The following TECPR2 variants were observed in gnomAD, a reference collection of about 807,000 sequenced individuals.
The protein encoded by TECPR2 is tectonin beta-propeller repeat-containing protein 2.
In TECPR2, 65 loss-of-function variants were observed where a neutral mutation model predicts 138.1. The observed-to-expected ratio is 0.47, with a 90% confidence interval of 0.39 to 0.58. The LOEUF (loss-of-function observed/expected upper bound fraction) is 0.58. Among genes scored for constraint, TECPR2 ranks in the 20% least tolerant of loss-of-function variants. The pLI is 0.00. For synonymous variants in TECPR2, 746 were observed against 749.8 expected (o/e 0.99, Z 0.08); for missense variants, 1,553 against 1,824.5 (o/e 0.85, Z 2.71).
intron 15 of TECPR2, among the ~76,000 whole-genome samples, chr14:102,450,862 C>T (rs776590989): frequency 1.1e-4 from 17 of 152,146 alleles, no homozygotes; most frequent in African/African-American, 3.6e-4. Flanking sequence ...AGGGACCGAG[C>T]GTGGTGAAGA....
intron 11 of TECPR2, 56 bp downstream of exon 11, chr14:102,440,665 C>A: frequency 6.4e-7 from 1 of 1,570,004 alleles, no homozygotes; most frequent in South Asian, 1.2e-5. Flanking sequence ...GCCTCTGCTG[C>A]ACCCTGCTTT....
At position 102,449,840 on chromosome 14, in the gene TECPR2, A is replaced by C; in HGVS notation, c.3287A>C (p.Glu1096Ala). 6.2e-7 allele frequency: 1 copy of C among 1,613,972 alleles called. No homozygotes were observed. ...GTCTGGATCTCCTCGGGCAAGAATG[A>C]ATTCCACGTCGCTAAGGGAAGTCTC... ...SGVWISSGKN[E>A]FHVAKGSLIG... The change falls in exon 14 of 20, where the codon GAA becomes GCA. Residue 1096 changes from glutamate (E) to alanine (A), a missense_variant. Coordinates refer to ENST00000359520, the MANE Select transcript of TECPR2 (RefSeq NM_014844.5).
At chr14:102,476,281 C>T (rs1405612551) in intron 17 of TECPR2, among the ~76,000 whole-genome samples, 1 of 148,114 alleles carries the variant, frequency 6.8e-6, no homozygotes, top group African/African-American at 2.5e-5. Flanking sequence ...CCTGCAATCC[C>T]AGAACTTTGG....
chr14:102,446,216 G>A (rs1040014446), intron 13 of TECPR2, among the ~76,000 whole-genome samples: 1 of 151,918 alleles, frequency 6.6e-6, no homozygotes, highest in African/African-American at 2.4e-5. Flanking sequence ...ACAGGCGTGT[G>A]CCACCATGCC....
chr14:102,401,647 A>C (rs1277324810), intron 2 of TECPR2, among the ~76,000 whole-genome samples: 2 of 151,268 alleles, frequency 1.3e-5, no homozygotes, highest in Non-Finnish European at 2.9e-5. Context: ...ATTAAAAAAT[A>C]CAAAAAAATT....
intron 15 of TECPR2, among the ~76,000 whole-genome samples, chr14:102,451,878 G>C (rs967926706): frequency 6.6e-6 from 1 of 152,086 alleles, no homozygotes; most frequent in African/African-American, 2.4e-5. Flanking sequence ...AGCACTTCCA[G>C]CTTCCTAAGC....
intron 5 of TECPR2, among the ~76,000 whole-genome samples, chr14:102,416,120 T>C (rs1889018575): frequency 1.3e-5 from 2 of 152,146 alleles, no homozygotes; most frequent in African/African-American, 2.4e-5. Flanking sequence ...TTTTTTCTTT[T>C]TCTTTTTCTT....
intron 2 of TECPR2, among the ~76,000 whole-genome samples, chr14:102,385,118 A>G (rs1269906703): frequency 6.6e-6 from 1 of 151,748 alleles, no homozygotes; most frequent in African/African-American, 2.4e-5. Context: ...CACCCTCCCA[A>G]AGTGCTGGAA....
At chr14:102,445,713 C>A in intron 12 of TECPR2, 93 bp from the exon 13 acceptor site, 1 of 1,453,348 alleles carries the variant, frequency 6.9e-7, no homozygotes, top group Non-Finnish European at 9.2e-7. Context: ...CTCCCAGCCA[C>A]GCCTGCCGGG....
intron 2 of TECPR2, among the ~76,000 whole-genome samples, chr14:102,406,924 T>C (rs1435147263): frequency 6.6e-6 from 1 of 152,172 alleles, no homozygotes; most frequent in East Asian, 1.9e-4. Flanking sequence ...AATGGCACGA[T>C]CTCGGCTCAC....
chr14:102,440,392 T>C, intron 10 of TECPR2, 44 bp from the exon 11 acceptor site: 1 of 1,602,002 alleles, frequency 6.2e-7, no homozygotes, highest in Non-Finnish European at 8.5e-7. Flanking sequence ...TAGAAATATA[T>C]TCTAGTATTT....
In TECPR2 at chr14:102,438,047, C is replaced by G; in HGVS notation, c.2420C>G (p.Ser807Trp). The G allele has an allele frequency of 6.2e-7, 1 of 1,613,994 alleles. No individual in the cohort carries two copies. The highest frequency in any genetic ancestry group is 8.5e-7 in the Non-Finnish European group (1 of 1,179,948). The change falls in exon 10 of 20, where the codon TCG becomes TGG. Residue 807 changes from serine to tryptophan, a missense_variant. Physicochemically the swap from Ser to Trp is radical, Grantham distance 177. Coordinates refer to ENST00000359520, the MANE Select transcript of TECPR2 (RefSeq NM_014844.5). ...TTTGCAGAAAGCTGGATGGGCTACT[C>G]GGGTCCCGGCTATGGCATCCTCAGC... ...DQFAESWMGY[S>W]GPGYGILSLV...
At chr14:102,451,254 A>C (rs1325171417) in intron 15 of TECPR2, among the ~76,000 whole-genome samples, 3 of 152,200 alleles carry the variant, frequency 2.0e-5, no homozygotes, top group African/African-American at 7.2e-5. Context: ...GAGCCCCGGC[A>C]GTCAGGCGAC....
chr14:102,455,891 G>T (rs1890266894), intron 16 of TECPR2, among the ~76,000 whole-genome samples: 1 of 152,224 alleles, frequency 6.6e-6, no homozygotes, highest in Non-Finnish European at 1.5e-5. Context: ...GGGATTACAG[G>T]CGTGAGCCAC....
At chr14:102,398,629 A>G (rs1888383682) in intron 2 of TECPR2, among the ~76,000 whole-genome samples, 1 of 152,110 alleles carries the variant, frequency 6.6e-6, no homozygotes, top group East Asian at 1.9e-4. Context: ...TGGGAGGACA[A>G]GGCAGGAGGA....
rs925059096 is a variant in TECPR2 at position 102,501,367 on chromosome 14, A to G, written c.*3110A>G. On this transcript the variant is annotated 3_prime_UTR_variant, in exon 20 of 20. Coordinates refer to ENST00000359520, the MANE Select transcript of TECPR2 (RefSeq NM_014844.5). ...GCTACAGAGGAAAATAAGTACATAG[A>G]TTTGATTTCTCCAAAATACAGAAAT... 1 of 152,200 alleles carries G rather than the reference A, an allele frequency of 6.6e-6. No individual in the cohort carries two copies. The highest frequency in any genetic ancestry group is 1.9e-4 in the East Asian group (1 of 5,200). 9.4% of individuals were successfully genotyped at this position (152,200 alleles called of 1,614,324 possible).
rs146157601 is a variant in TECPR2, at chr14:102,431,839, C to T, written c.1128C>T (p.His376=). The T allele has an allele frequency of 2.2e-4, 346 of 1,596,582 alleles. No individual in the cohort carries two copies. The highest frequency in any genetic ancestry group is 2.8e-4 in the Non-Finnish European group (321 of 1,166,230). ...LEMSGCSERV[H]VQQAEKLPGA... is the part of the protein sequence containing the mutation. ...TGTCTGGATGCTCAGAGCGTGTCCA[C>T]GTGCAGCAAGCGGAGAAGCTGCCAG... Residue 376 remains histidine (H), a synonymous_variant, in exon 8 of 20, where the codon CAC becomes CAT. Coordinates refer to ENST00000359520, the MANE Select transcript of TECPR2 (RefSeq NM_014844.5).
At chr14:102,482,874 C>T (rs11626549) in intron 17 of TECPR2, among the ~76,000 whole-genome samples, 25,533 of 128,938 alleles carry the variant, frequency 0.2, 2,889 homozygotes, top group Middle Eastern at 0.32. Context: ...GACGGAGTCT[C>T]GCTCTGTCGC....
At chr14:102,429,048 T>C (rs1416757199) in intron 7 of TECPR2, among the ~76,000 whole-genome samples, 2 of 152,156 alleles carry the variant, frequency 1.3e-5, no homozygotes, top group East Asian at 3.9e-4. Context: ...GGTTTCTCCA[T>C]GTTGGTCAGG....
Sources: gnomAD v4.1 joint callset for allele counts (sites outside exome capture counted in the v4.1 genomes callset) on GRCh38, gnomAD v4.1.1 for gene constraint, MANE v1.5 for transcripts, NCBI Gene and HGNC (gene_info 2026-07-23, HGNC 2026-07-21) for gene names.